HEATR1: variants seen among roughly 807,000 people sequenced by gnomAD.
HEATR1 encodes the protein HEAT repeat-containing protein 1.
A neutral mutation model predicts 248.2 loss-of-function variants in HEATR1; 77 were observed. The observed-to-expected ratio is 0.31, with a 90% CI of 0.26 to 0.37. The LOEUF (loss-of-function observed/expected upper bound fraction) is 0.37, where lower values mean the gene tolerates loss of function less well. HEATR1 is among the 10% of genes least tolerant of loss of function. The pLI is 1.00. For synonymous variants in HEATR1, 897 were observed against 923.1 expected, an observed-to-expected ratio of 0.97 and a Z score of 0.51; for missense variants, 2,420 against 2,504.9, an observed-to-expected ratio of 0.97 and a Z score of 0.72.
chr1:236,561,117 T>C, intron 33 of HEATR1, 108 bp downstream of exon 33: 1 of 813,964 alleles, frequency 1.2e-6, no homozygotes, highest in Non-Finnish European at 2.1e-6. Flanking sequence ...TATCAAATGG[T>C]GAACCTGGTT....
At chr1:236,560,502 G>A (rs1316572681) in intron 33 of HEATR1, among the ~76,000 whole-genome samples, 2 of 152,094 alleles carry the variant, frequency 1.3e-5, no homozygotes, top group African/African-American at 2.4e-5. Context: ...GGGGAGAAGG[G>A]GGCGCAGACA....
At position 236,597,874 on chromosome 1, in the gene HEATR1, T is replaced by C. The variant is rs771087928; in HGVS notation, c.603+4A>G. The C allele has an allele frequency of 3.1e-6, 5 of 1,597,068 alleles. No individual in the cohort carries two copies. The highest frequency in any genetic ancestry group is 3.4e-6 in the Non-Finnish European group (4 of 1,164,984). On this transcript the variant is annotated splice_donor_region_variant and intron_variant, in intron 5 of 44. Transcript: ENST00000366582. ...ATTATATACTCATGAAACAGACTGC[T>C]CACCTTCACAGATTTTGTCACCAAA...
chr1:236,558,844 C>T (rs1218854390), intron 35 of HEATR1, 151 bp downstream of exon 35: 15 of 732,612 alleles, frequency 2.0e-5, no homozygotes, highest in South Asian at 8.6e-5. Flanking sequence ...TTAGAATTAA[C>T]GTCACATTTT....
intron 32 of HEATR1, 40 bp from the exon 33 acceptor site, chr1:236,561,311 T>A (rs1261571278): frequency 1.3e-6 from 2 of 1,494,802 alleles, no homozygotes; most frequent in Admixed American, 3.5e-5. Flanking sequence ...GGTAGGGAAG[T>A]CAATAATAAA....
chr1:236,558,270 G>A lies in HEATR1; in HGVS notation c.5171C>T (p.Thr1724Ile), dbSNP rs780292286. The A allele has an allele frequency of 1.7e-5, 28 of 1,613,836 alleles. No individual in the cohort carries two copies. In the African/African-American group the frequency reaches 2.4e-4, roughly 14 times the overall value. ...CTGGGGGATGGCCAGCGCCTCCAGG[G>A]TGGAGGTCACCTCTGCTATGCACAG... is the stretch of plus-strand genomic sequence containing the variant. ...ALLCIAEVTS[T>I]LEALAIPQLP... is the part of the protein sequence containing the mutation. The change falls in exon 36 of 45, where the codon ACC becomes ATC. Residue 1724 changes from threonine (T) to isoleucine (I), a missense_variant. Coordinates refer to ENST00000366582, the MANE Select transcript of HEATR1 (RefSeq NM_018072.6).
At chr1:236,576,549 GAA>G (rs1663565867) in intron 21 of HEATR1, among the ~76,000 whole-genome samples, 172 bp from the exon 22 acceptor site, 1 of 152,174 alleles carries the variant, frequency 6.6e-6, no homozygotes, top group South Asian at 2.1e-4. Context: ...GGCTTACTAT[GAA>G]AAGCTACACA....
chr1:236,552,672 TATA>T (rs1176350239), intron 43 of HEATR1: 1 of 152,394 alleles, frequency 6.6e-6, no homozygotes, highest in African/African-American at 2.4e-5. Flanking sequence ...ATGCCTTGTC[TATA>T]ATAAGGAAAG....
intron 30 of HEATR1, among the ~76,000 whole-genome samples, 158 bp downstream of exon 30, chr1:236,566,488 T>C (rs889669200): frequency 8.5e-5 from 13 of 152,286 alleles, no homozygotes; most frequent in African/African-American, 2.4e-4. Context: ...GAATGCAATT[T>C]TTTAAAATGC....
At chr1:236,571,313 T>G (rs1663418457) in intron 28 of HEATR1, 38 bp downstream of exon 28, 1 of 1,556,890 alleles carries the variant, frequency 6.4e-7, no homozygotes, top group South Asian at 1.2e-5. Flanking sequence ...GAAAAATATC[T>G]GAAATATCTG....
intron 20 of HEATR1, 69 bp downstream of exon 20, chr1:236,581,150 AACT>A: frequency 7.6e-7 from 1 of 1,309,880 alleles, no homozygotes; most frequent in Non-Finnish European, 1.1e-6. Context: ...TAATTTTCCA[AACT>A]ACATAAACCA....
chr1:236,559,636 T>G, intron 34 of HEATR1, 78 bp downstream of exon 34: 1 of 1,463,208 alleles, frequency 6.8e-7, no homozygotes, highest in Non-Finnish European at 9.2e-7. Context: ...AAGTTTATTC[T>G]TAAAAACTTT....
chr1:236,589,439 T>C (rs183467580), intron 12 of HEATR1, among the ~76,000 whole-genome samples: 1 of 152,240 alleles, frequency 6.6e-6, no homozygotes, highest in Admixed American at 6.5e-5. Context: ...TTGTTGTTTA[T>C]ATATCAACTT....
chr1:236,576,483 A>G, intron 21 of HEATR1, 106 bp from the exon 22 acceptor site: 1 of 884,492 alleles, frequency 1.1e-6, no homozygotes, highest in East Asian at 2.7e-5. Flanking sequence ...CATTGTTTAT[A>G]ATTTTCCATT....
intron 11 of HEATR1, among the ~76,000 whole-genome samples, chr1:236,591,559 C>G (rs1266524094): frequency 6.6e-6 from 1 of 152,110 alleles, no homozygotes; most frequent in African/African-American, 2.4e-5. Context: ...GCTTGAATCA[C>G]CAGAAAATTT....
chr1:236,592,418 G>C, intron 10 of HEATR1, 105 bp downstream of exon 10: 1 of 628,056 alleles, frequency 1.6e-6, no homozygotes, highest in East Asian at 2.9e-5. Flanking sequence ...AATTTAAAAA[G>C]GACAGTCTCT....
chr1:236,596,339 A>G (rs4233464), intron 6 of HEATR1, among the ~76,000 whole-genome samples: 93,903 of 152,050 alleles, frequency 0.62, 30,782 homozygotes, highest in Non-Finnish European at 0.72. Context: ...TCCTACTTAT[A>G]GTAGGGAGAC....
chr1:236,560,501 G>C (rs1053602598), intron 33 of HEATR1, among the ~76,000 whole-genome samples: 1 of 152,100 alleles, frequency 6.6e-6, no homozygotes, highest in African/African-American at 2.4e-5. Context: ...AGGGGAGAAG[G>C]GGGCGCAGAC....
chr1:236,563,375 G>A (rs772216996), intron 32 of HEATR1, among the ~76,000 whole-genome samples: 34 of 151,948 alleles, frequency 2.2e-4, no homozygotes, highest in African/African-American at 5.3e-4. Context: ...TATGCCTCCC[G>A]GGTTCACGCC....
At chr1:236,587,199 T>C (rs1377129658) in intron 14 of HEATR1, among the ~76,000 whole-genome samples, 3 of 151,764 alleles carry the variant, frequency 2.0e-5, no homozygotes, top group African/African-American at 4.8e-5. Context: ...ATTCCAAACA[T>C]AGAGAACAGT....
Sources: gnomAD v4.1 joint callset for allele counts (sites outside exome capture counted in the v4.1 genomes callset) on GRCh38, gnomAD v4.1.1 for gene constraint, MANE v1.5 for transcripts, NCBI Gene and HGNC (gene_info 2026-07-23, HGNC 2026-07-21) for gene names.